The following PRDM16 variants were observed in gnomAD, a reference collection of about 807,000 sequenced individuals.
The protein encoded by PRDM16 is histone-lysine N-methyltransferase PRDM16.
In PRDM16, 23 loss-of-function variants were observed where a neutral mutation model predicts 110.6. The observed-to-expected ratio is 0.21, with a 90% confidence interval of 0.15 to 0.29. The LOEUF (loss-of-function observed/expected upper bound fraction) is 0.29, where lower values mean the gene tolerates loss of function less well. Among genes scored for constraint, PRDM16 ranks in the 10% least tolerant of loss-of-function variants. The pLI, the probability that PRDM16 is intolerant of heterozygous loss-of-function variation, is 1.00. For missense variants in PRDM16, 1,615 were observed against 1,794.3 expected (o/e 0.90, Z 1.81); for synonymous variants, 799 against 781.8 (o/e 1.02, Z -0.37).
At chr1:3,327,682 C>T (rs933240575) in intron 3 of PRDM16, among the ~76,000 whole-genome samples, 3 of 150,626 alleles carry the variant, frequency 2.0e-5, no homozygotes, top group African/African-American at 4.9e-5. Context: ...TGGATGATGG[C>T]GTGCGGGTAC....
At chr1:3,156,804 T>G (rs1434675679) in intron 1 of PRDM16, among the ~76,000 whole-genome samples, 1 of 152,024 alleles carries the variant, frequency 6.6e-6, no homozygotes, top group African/African-American at 2.4e-5. Context: ...GGCTTTTGCT[T>G]TTAGCTCTTC....
At chr1:3,090,989 G>C (rs374379612) in intron 1 of PRDM16, among the ~76,000 whole-genome samples, 114 of 151,746 alleles carry the variant, frequency 7.5e-4, no homozygotes, top group African/African-American at 2.6e-3. Flanking sequence ...CCAGGGTCTG[G>C]CTCAGGAAAG....
chr1:3,186,757 G>A (rs745493429), intron 2 of PRDM16, among the ~76,000 whole-genome samples: 3 of 152,174 alleles, frequency 2.0e-5, no homozygotes, highest in African/African-American at 7.2e-5. Flanking sequence ...CGTGCTTCCC[G>A]CCGGATCCCA....
intron 1 of PRDM16, among the ~76,000 whole-genome samples, chr1:3,074,884 G>A (rs549656738): frequency 6.6e-6 from 1 of 152,374 alleles, no homozygotes; most frequent in Admixed American, 6.5e-5. Flanking sequence ...GGGGCCGGCT[G>A]CTGACATCCC....
intron 2 of PRDM16, among the ~76,000 whole-genome samples, chr1:3,202,513 C>T (rs1638653764): frequency 6.6e-6 from 1 of 152,146 alleles, no homozygotes; most frequent in Admixed American, 6.5e-5. Context: ...GACACCTGCT[C>T]GAGCCTAAGT....
intron 3 of PRDM16, among the ~76,000 whole-genome samples, chr1:3,361,482 G>A (rs1009224079): frequency 6.6e-6 from 1 of 152,254 alleles, no homozygotes; most frequent in Non-Finnish European, 1.5e-5. Flanking sequence ...AAAGGAAAAG[G>A]CTACAAAGAA....
chr1:3,072,824 G>C (rs983961698), intron 1 of PRDM16, among the ~76,000 whole-genome samples: 7 of 152,268 alleles, frequency 4.6e-5, no homozygotes, highest in African/African-American at 1.7e-4. Context: ...GGTGGAGTGC[G>C]GGGCTGGCCG....
At chr1:3,090,253 A>C (rs1642245756) in intron 1 of PRDM16, among the ~76,000 whole-genome samples, 1 of 152,230 alleles carries the variant, frequency 6.6e-6, no homozygotes, top group African/African-American at 2.4e-5. Flanking sequence ...GGGACTGCCC[A>C]GCAGACGGGG....
intron 1 of PRDM16, among the ~76,000 whole-genome samples, chr1:3,125,929 G>C (rs1362644664): frequency 6.6e-6 from 1 of 152,234 alleles, no homozygotes; most frequent in African/African-American, 2.4e-5. Flanking sequence ...AGGGGCATTA[G>C]AGGCCCGAGA....
At chr1:3,366,340 A>G (rs1251988574) in intron 3 of PRDM16, among the ~76,000 whole-genome samples, 1 of 151,960 alleles carries the variant, frequency 6.6e-6, no homozygotes, top group Non-Finnish European at 1.5e-5. Context: ...GAAGGCACGC[A>G]CTCTCTGTGG....
intron 3 of PRDM16, among the ~76,000 whole-genome samples, chr1:3,282,476 C>G (rs1640729873): frequency 6.6e-6 from 1 of 152,228 alleles, no homozygotes; most frequent in Non-Finnish European, 1.5e-5. Flanking sequence ...TTTGGAAAGC[C>G]TGTTCCTCAG....
intron 3 of PRDM16, among the ~76,000 whole-genome samples, chr1:3,377,562 C>T (rs368986126): frequency 2.1e-4 from 32 of 152,288 alleles, no homozygotes; most frequent in South Asian, 4.1e-4. Context: ...GGGAGCTGCC[C>T]GGCGCCGGGG....
At chr1:3,399,797 A>T (rs1306921111) in intron 5 of PRDM16, among the ~76,000 whole-genome samples, 1 of 152,198 alleles carries the variant, frequency 6.6e-6, no homozygotes, top group Non-Finnish European at 1.5e-5. Flanking sequence ...TCAAATTTCA[A>T]CTACTATGAT....
At chr1:3,419,481 A>G (rs1638371635) in intron 12 of PRDM16, among the ~76,000 whole-genome samples, 1 of 152,118 alleles carries the variant, frequency 6.6e-6, no homozygotes, top group Non-Finnish European at 1.5e-5. Flanking sequence ...CCCATGAATC[A>G]CCGGGGTCAG....
At chr1:3,406,470 C>G (rs1173758677) in intron 8 of PRDM16, among the ~76,000 whole-genome samples, 1 of 152,030 alleles carries the variant, frequency 6.6e-6, no homozygotes, top group Non-Finnish European at 1.5e-5. Flanking sequence ...TGGCTCACAC[C>G]TGTAATCCCA....
chr1:3,312,898 G>T (rs1385206178), intron 3 of PRDM16, among the ~76,000 whole-genome samples: 7 of 152,336 alleles, frequency 4.6e-5, no homozygotes, highest in African/African-American at 1.7e-4. Context: ...GTGGACAGAG[G>T]TCCACACACG....
At chr1:3,416,194 C>T (rs941061903) in intron 10 of PRDM16, among the ~76,000 whole-genome samples, 4 of 152,310 alleles carry the variant, frequency 2.6e-5, no homozygotes, top group African/African-American at 9.6e-5. Context: ...AATAGCAAAA[C>T]GTCCCCACCA....
At chr1:3,394,202 C>A (rs936195027) in intron 4 of PRDM16, among the ~76,000 whole-genome samples, 1 of 152,050 alleles carries the variant, frequency 6.6e-6, no homozygotes, top group African/African-American at 2.4e-5. Flanking sequence ...CGGTGGGGGG[C>A]ATCCCAGGAG....
intron 3 of PRDM16, among the ~76,000 whole-genome samples, chr1:3,314,077 G>GA (rs1557600964): frequency 6.6e-6 from 1 of 151,038 alleles, no homozygotes; most frequent in Admixed American, 6.6e-5. Context: ...CCACCGGGGG[G>GA]GGGGGCGGGA....
Sources: allele counts gnomAD v4.1 joint callset (sites outside exome capture counted in the v4.1 genomes callset), GRCh38; gene constraint gnomAD v4.1.1; transcripts MANE v1.5; gene names NCBI Gene and HGNC (gene_info 2026-07-23, HGNC 2026-07-21).